ATP8B4: variants seen among roughly 807,000 people sequenced by gnomAD.
The protein encoded by ATP8B4 is probable phospholipid-transporting ATPase IM.
In ATP8B4, 133 loss-of-function variants were observed where a neutral mutation model predicts 145.6. The observed-to-expected ratio is 0.91, with a 90% CI of 0.79 to 1.05. The LOEUF is 1.05. Ranked by LOEUF, ATP8B4 falls within the 50% of genes least tolerant of loss-of-function variation. ATP8B4 has a pLI of 0.00. For synonymous variants in ATP8B4, 507 were observed against 492.9 expected (o/e 1.03, Z -0.38); for missense variants, 1,458 against 1,425.2 (o/e 1.02, Z -0.37).
chr15:49,972,453 ATGCTGACGG>A, intron 13 of ATP8B4, 120 bp downstream of exon 13: 1 of 767,030 alleles, frequency 1.3e-6, no homozygotes, highest in Non-Finnish European at 2.1e-6. Context: ...TATATGGTAG[ATGCTGACGG>A]TGCCCATATT....
At chr15:50,136,306 G>T (rs1400814388) in intron 1 of ATP8B4, among the ~76,000 whole-genome samples, 2 of 152,114 alleles carry the variant, frequency 1.3e-5, no homozygotes, top group African/African-American at 4.8e-5. Context: ...TGCTATCTGG[G>T]CATGTTTATC....
At chr15:50,146,307 G>A (rs1036994477) in intron 1 of ATP8B4, among the ~76,000 whole-genome samples, 3 of 152,076 alleles carry the variant, frequency 2.0e-5, no homozygotes, top group Admixed American at 1.3e-4. Flanking sequence ...CACCACGCCC[G>A]GCCTACATTT....
intron 14 of ATP8B4, among the ~76,000 whole-genome samples, chr15:49,961,605 A>T (rs1243135700): frequency 6.6e-6 from 1 of 152,184 alleles, no homozygotes; most frequent in East Asian, 1.9e-4. Context: ...TCAGCCATTA[A>T]AAAGAACGAG....
intron 23 of ATP8B4, among the ~76,000 whole-genome samples, chr15:49,887,012 G>C (rs2413973): frequency 1.9e-4 from 29 of 152,040 alleles, no homozygotes; most frequent in African/African-American, 4.6e-4. Context: ...GTTTTGCCAC[G>C]TTGGCCAGGC....
At chr15:49,866,143 A>T (rs2032750297) in intron 26 of ATP8B4, among the ~76,000 whole-genome samples, 1 of 152,226 alleles carries the variant, frequency 6.6e-6, no homozygotes, top group Admixed American at 6.5e-5. Flanking sequence ...ACTGTGAGTG[A>T]TTCTTCTGCA....
chr15:50,076,490 C>CA (rs141820569), intron 2 of ATP8B4, among the ~76,000 whole-genome samples: 11,072 of 144,208 alleles, frequency 0.077, 1,309 homozygotes, highest in African/African-American at 0.26. Flanking sequence ...GACTCCATCT[C>CA]AAAAAAAAAA....
intron 6 of ATP8B4, among the ~76,000 whole-genome samples, chr15:50,015,933 A>G (rs1395149821): frequency 1.3e-5 from 2 of 152,180 alleles, no homozygotes; most frequent in Non-Finnish European, 2.9e-5. Flanking sequence ...TCTCTCACCA[A>G]TTTTGCCAGG....
intron 1 of ATP8B4, among the ~76,000 whole-genome samples, chr15:50,124,606 A>T (rs189436780): frequency 1.0e-4 from 14 of 133,560 alleles, no homozygotes; most frequent in Admixed American, 3.0e-4. Context: ...TAAGATTTTT[A>T]AAAAGAAAAA....
intron 14 of ATP8B4, among the ~76,000 whole-genome samples, chr15:49,938,316 G>GC (rs1455492266): frequency 6.6e-6 from 1 of 152,020 alleles, no homozygotes; most frequent in African/African-American, 2.4e-5. Context: ...TGGTCTACAT[G>GC]CCCCACTTAA....
chr15:49,881,036 C>T (rs557337574), intron 23 of ATP8B4, among the ~76,000 whole-genome samples: 80 of 152,200 alleles, frequency 5.3e-4, no homozygotes, highest in African/African-American at 1.1e-3. Context: ...GGCATGAACC[C>T]GAGAGGCTGA....
intron 6 of ATP8B4, among the ~76,000 whole-genome samples, chr15:50,033,869 C>T (rs1403290772): frequency 2.0e-5 from 3 of 152,146 alleles, no homozygotes; most frequent in East Asian, 1.9e-4. Context: ...CAGCAGCATC[C>T]GTGTTGCTGC....
chr15:49,918,956 T>C lies in ATP8B4; in HGVS notation c.1924-6A>G, dbSNP rs1417683976. The stretch of plus-strand genomic sequence containing the variant: ...ACAGCAGTGGCACCTAGTAGCTTTA[T>C]TGAAAAAGAGAGAAAAGTTTATGTT... On this transcript the variant is annotated splice_region_variant and splice_polypyrimidine_tract_variant and intron_variant, in intron 18 of 27. Transcript: ENST00000284509. The C allele has an allele frequency of 8.8e-6, 14 of 1,595,876 alleles. No homozygotes were observed. The highest frequency in any genetic ancestry group is 2.2e-5 in the East Asian group (1 of 44,710).
chr15:50,114,309 T>C (rs891317612), intron 1 of ATP8B4: 21 of 152,090 alleles, frequency 1.4e-4, no homozygotes, highest in African/African-American at 4.8e-4. Context: ...TGTGCCATTC[T>C]TATGCCTTTG....
chr15:50,126,190 G>A (rs539069585), intron 1 of ATP8B4, among the ~76,000 whole-genome samples: 1 of 148,150 alleles, frequency 6.7e-6, no homozygotes, highest in African/African-American at 2.5e-5. Flanking sequence ...CCTGAAAGAT[G>A]AGTAGATGAG....
At chr15:49,996,906 C>A in intron 8 of ATP8B4, 147 bp from the exon 9 acceptor site, 1 of 594,550 alleles carries the variant, frequency 1.7e-6, no homozygotes. Flanking sequence ...ACTTCGCTCA[C>A]TGTTTCAGGA....
Position 49,897,962 on chromosome 15 carries a change from C to G in ATP8B4, c.2473+106G>C, listed in dbSNP as rs998602654. ...AGAAGTATCATTCATTTTAGAATCACTGGCAAAATTAAATTTTAATGCAAT... is the reference window on the plus strand; with the variant it reads ...AGAAGTATCATTCATTTTAGAATCAGTGGCAAAATTAAATTTTAATGCAAT... On this transcript the variant is annotated intron_variant, in intron 22 of 27. Transcript: ENST00000284509. 7.9e-6 allele frequency: 10 copies of G among 1,259,270 alleles called. No homozygotes were observed. The African/African-American group carries it at 1.5e-4, about 19-fold the overall frequency. 78.0% of individuals were successfully genotyped at this position (1,259,270 alleles called of 1,614,324 possible). A position where few individuals can be genotyped will look rare whatever the true frequency, so the allele number is the denominator to read the frequency against.
chr15:50,162,651 C>T (rs1210620389), intron 1 of ATP8B4, among the ~76,000 whole-genome samples: 8 of 152,226 alleles, frequency 5.3e-5, no homozygotes, highest in African/African-American at 1.2e-4. Flanking sequence ...GGACTACAGG[C>T]GCCCGCCACC....
intron 13 of ATP8B4, among the ~76,000 whole-genome samples, chr15:49,963,852 T>C (rs1469563431): frequency 6.6e-6 from 1 of 151,998 alleles, no homozygotes; most frequent in Non-Finnish European, 1.5e-5. Context: ...ATGGCACACG[T>C]TTACCTATGT....
chr15:50,064,246 A>C (rs1374764466), intron 3 of ATP8B4, among the ~76,000 whole-genome samples: 2 of 152,156 alleles, frequency 1.3e-5, no homozygotes, highest in Non-Finnish European at 2.9e-5. Flanking sequence ...GTCACCATCT[A>C]TAACTTACCT....
Sources: allele counts gnomAD v4.1 joint callset (sites outside exome capture counted in the v4.1 genomes callset), GRCh38; gene constraint gnomAD v4.1.1; transcripts MANE v1.5; gene names NCBI Gene and HGNC (gene_info 2026-07-23, HGNC 2026-07-21).